Variants in THADA observed in about 807,000 individuals in gnomAD.
The protein encoded by THADA is THADA armadillo repeat containing, also known as tRNA (32-2'-O)-methyltransferase regulator THADA.
In THADA, 213 loss-of-function variants were observed where a neutral mutation model predicts 219.8. The observed-to-expected ratio is 0.97, with a 90% confidence interval of 0.87 to 1.09. THADA has a LOEUF of 1.09. Among genes scored for constraint, THADA ranks in the 50% least tolerant of loss-of-function variants. THADA has a pLI of 0.00. For missense variants in THADA, 2,956 were observed against 2,311.3 expected (o/e 1.28, Z -5.72); for synonymous variants, 1,018 against 828.9 (o/e 1.23, Z -3.92).
intron 26 of THADA, among the ~76,000 whole-genome samples, chr2:43,474,697 T>C (rs866065007): frequency 3.3e-5 from 5 of 152,192 alleles, no homozygotes; most frequent in East Asian, 1.9e-4. Context: ...AAGTATGCAA[T>C]TGACCATTTA....
chr2:43,408,683 T>A (rs1241022792), intron 28 of THADA, among the ~76,000 whole-genome samples: 1 of 152,196 alleles, frequency 6.6e-6, no homozygotes, highest in African/African-American at 2.4e-5. Flanking sequence ...CACATCCTCA[T>A]CTATAAAAGC....
intron 31 of THADA, among the ~76,000 whole-genome samples, chr2:43,317,410 A>G (rs1678208724): frequency 1.3e-5 from 2 of 152,250 alleles, no homozygotes; most frequent in South Asian, 4.1e-4. Flanking sequence ...TAGACGACAA[A>G]GAATCTAAGA....
intron 17 of THADA, 186 bp downstream of exon 17, chr2:43,556,159 T>C (rs1697313568): frequency 1.6e-6 from 2 of 1,255,810 alleles, no homozygotes; most frequent in Admixed American, 3.2e-5. Flanking sequence ...AAATCCACTG[T>C]TTAGAAAAAA....
chr2:43,462,244 C>T (rs897727319), intron 26 of THADA, among the ~76,000 whole-genome samples: 3 of 152,116 alleles, frequency 2.0e-5, no homozygotes, highest in Non-Finnish European at 4.4e-5. Flanking sequence ...CCATGGGTAA[C>T]GTTCAGGCAT....
chr2:43,573,138 C>G (rs933121879), intron 11 of THADA, 146 bp from the exon 12 acceptor site: 3 of 654,214 alleles, frequency 4.6e-6, no homozygotes, highest in African/African-American at 3.8e-5. Flanking sequence ...AATTAAAGTT[C>G]CTATTCTAAA....
intron 29 of THADA, among the ~76,000 whole-genome samples, chr2:43,351,274 C>A (rs1485389834): frequency 6.6e-6 from 1 of 152,156 alleles, no homozygotes; most frequent in East Asian, 1.9e-4. Context: ...GCTCAATCTA[C>A]CTTTCCAGAT....
chr2:43,242,289 G>C (rs1196754795), intron 36 of THADA, among the ~76,000 whole-genome samples: 1 of 152,176 alleles, frequency 6.6e-6, no homozygotes, highest in African/African-American at 2.4e-5. Flanking sequence ...CTTGTGACTT[G>C]CATTTTCCCA....
At chr2:43,368,229 T>G (rs1670389904) in intron 29 of THADA, among the ~76,000 whole-genome samples, 1 of 152,172 alleles carries the variant, frequency 6.6e-6, no homozygotes, top group Non-Finnish European at 1.5e-5. Flanking sequence ...TGGATAATAA[T>G]TATCAGTGTG....
chr2:43,353,077 T>C (rs1461737335), intron 29 of THADA, among the ~76,000 whole-genome samples: 1 of 152,222 alleles, frequency 6.6e-6, no homozygotes, highest in Non-Finnish European at 1.5e-5. Context: ...CAAGATCTCC[T>C]CCTTTTTAAA....
At chr2:43,543,123 T>C (rs1219639854) in intron 20 of THADA, among the ~76,000 whole-genome samples, 1 of 149,936 alleles carries the variant, frequency 6.7e-6, no homozygotes, top group African/African-American at 2.5e-5. Context: ...GAATATGTGG[T>C]GTTTCGTTTT....
At chr2:43,527,264 C>G (rs996304383) in intron 22 of THADA, among the ~76,000 whole-genome samples, 2 of 152,228 alleles carry the variant, frequency 1.3e-5, no homozygotes, top group Admixed American at 6.5e-5. Flanking sequence ...GCCATGAACA[C>G]TTAGTCATTA....
At chr2:43,343,626 T>C (rs563758295) in intron 30 of THADA, 1 of 152,592 alleles carries the variant, frequency 6.6e-6, no homozygotes, top group South Asian at 2.1e-4. Flanking sequence ...ATGAAAAATA[T>C]GTTTCTATTC....
chr2:43,296,753 A>T (rs914856894), intron 31 of THADA, among the ~76,000 whole-genome samples: 4 of 152,246 alleles, frequency 2.6e-5, no homozygotes, highest in Admixed American at 2.0e-4. Context: ...CTGCTGCTAG[A>T]GGACAGCATT....
intron 26 of THADA, among the ~76,000 whole-genome samples, chr2:43,472,851 A>T (rs977761344): frequency 4.6e-5 from 7 of 152,218 alleles, no homozygotes; most frequent in Non-Finnish European, 7.3e-5. Context: ...CAATACTAAC[A>T]CAGTAAGTAT....
chr2:43,238,118 CAAAAAAAAAAAAAAAAAAAAAA>C (rs59802310), intron 36 of THADA, among the ~76,000 whole-genome samples: 2 of 28,266 alleles, frequency 7.1e-5, no homozygotes, highest in African/African-American at 2.5e-4. Context: ...GATTCCATCT[CAAAAAAAAAAAAAAAAAAAAAA>C]AAAAAAAAAA....
At chr2:43,589,559 C>T (rs911473982) in intron 4 of THADA, among the ~76,000 whole-genome samples, 6 of 152,062 alleles carry the variant, frequency 3.9e-5, no homozygotes, top group Non-Finnish European at 7.4e-5. Context: ...TTAACAATAG[C>T]GAACTATGTA....
intron 31 of THADA, among the ~76,000 whole-genome samples, chr2:43,308,824 G>A (rs537944135): frequency 7.0e-5 from 10 of 143,022 alleles, no homozygotes; most frequent in Admixed American, 1.4e-4. Flanking sequence ...GAAAATTAAC[G>A]TGAGATAGAC....
At chr2:43,458,278 A>AG (rs1290910059) in intron 26 of THADA, among the ~76,000 whole-genome samples, 1 of 152,170 alleles carries the variant, frequency 6.6e-6, no homozygotes. Context: ...CAGGGAGCCC[A>AG]GGATTCCTTT....
chr2:43,482,221 A>C (rs1686312492), intron 26 of THADA, among the ~76,000 whole-genome samples: 1 of 152,186 alleles, frequency 6.6e-6, no homozygotes, highest in African/African-American at 2.4e-5. Flanking sequence ...AGCACAAGTG[A>C]AACTTCTGTT....
Sources: allele counts gnomAD v4.1 joint callset (sites outside exome capture counted in the v4.1 genomes callset), GRCh38; gene constraint gnomAD v4.1.1; transcripts MANE v1.5; gene names NCBI Gene and HGNC (gene_info 2026-07-23, HGNC 2026-07-21).